NUP160: variants seen among roughly 807,000 people sequenced by gnomAD.
The protein encoded by NUP160 is nucleoporin 160.
In NUP160, 94 loss-of-function variants were observed where a neutral mutation model predicts 196.9. That is an observed-to-expected ratio of 0.48 (90% CI 0.40 to 0.57). The LOEUF is 0.57. Ranked by LOEUF, NUP160 falls within the 20% of genes least tolerant of loss-of-function variation. The pLI, the probability that NUP160 is intolerant of heterozygous loss-of-function variation, is 0.00. For missense variants in NUP160, 1,638 were observed against 1,748.3 expected (o/e 0.94, Z 1.13); for synonymous variants, 605 against 619.7 (o/e 0.98, Z 0.35).
intron 7 of NUP160, among the ~76,000 whole-genome samples, chr11:47,825,440 CA>C (rs1403258786): frequency 2.7e-5 from 4 of 147,744 alleles, no homozygotes; most frequent in Non-Finnish European, 5.9e-5. Flanking sequence ...CCACCATGCC[CA>C]GCTAATTTTT....
chr11:47,840,405 T>C, exon 3 of NUP160: 1 of 1,614,124 alleles, frequency 6.2e-7, no homozygotes, highest in Non-Finnish European at 8.5e-7. Flanking sequence ...AGGGGTGTGG[T>C]AAAAGTAACC....
intron 17 of NUP160, among the ~76,000 whole-genome samples, chr11:47,810,261 A>C (rs895486593): frequency 6.6e-6 from 1 of 152,040 alleles, no homozygotes; most frequent in African/African-American, 2.4e-5. Context: ...GCAATGGCGC[A>C]ATCACAGCTC....
chr11:47,791,112 GT>G (rs1488781876), intron 29 of NUP160, among the ~76,000 whole-genome samples: 4 of 152,122 alleles, frequency 2.6e-5, no homozygotes, highest in African/African-American at 9.6e-5. Context: ...CAAGGTTTTT[GT>G]ACCTACTGGC....
intron 7 of NUP160, among the ~76,000 whole-genome samples, chr11:47,829,536 G>A (rs965102449): frequency 2.6e-4 from 39 of 152,044 alleles, no homozygotes; most frequent in African/African-American, 8.9e-4. Context: ...CAAATACCTG[G>A]CCTCAAGTGA....
At chr11:47,845,949 A>G (rs548683524) in intron 2 of NUP160, among the ~76,000 whole-genome samples, 2 of 152,274 alleles carry the variant, frequency 1.3e-5, no homozygotes, top group South Asian at 2.1e-4. Flanking sequence ...TCTGGACAAC[A>G]AGGCAAAACC....
At chr11:47,831,893 C>CTTTT (rs1852083703) in intron 7 of NUP160, among the ~76,000 whole-genome samples, 1 of 93,288 alleles carries the variant, frequency 1.1e-5, no homozygotes, top group African/African-American at 4.4e-5. Context: ...CTAATAAATT[C>CTTTT]CTTTTTTTTT....
chr11:47,806,979 T>C, intron 19 of NUP160, 91 bp downstream of exon 19: 1 of 923,006 alleles, frequency 1.1e-6, no homozygotes, highest in Admixed American at 2.0e-5. Context: ...CTAGCCAACC[T>C]TTCTATGGCA....
intron 11 of NUP160, among the ~76,000 whole-genome samples, chr11:47,817,346 T>A (rs549767239): frequency 6.7e-6 from 1 of 150,174 alleles, no homozygotes; most frequent in Non-Finnish European, 1.5e-5. Context: ...CAAAAACTTT[T>A]TTTTTTTTTT....
intron 34 of NUP160, among the ~76,000 whole-genome samples, chr11:47,782,296 AAAAAAAAATATAT>A (rs1293401223): frequency 4.2e-4 from 21 of 49,512 alleles, no homozygotes; most frequent in Non-Finnish European, 6.0e-4. Context: ...AGTTAAAAAA[AAAAAAAAATATAT>A]ATATATATAT....
chr11:47,786,210 T>C (rs2097664428), intron 32 of NUP160, among the ~76,000 whole-genome samples: 2 of 152,142 alleles, frequency 1.3e-5, no homozygotes, highest in South Asian at 4.1e-4. Flanking sequence ...TTTCCTGATA[T>C]GAAACAGTAA....
chr11:47,828,356 A>G (rs1002807974), intron 7 of NUP160, among the ~76,000 whole-genome samples: 19 of 152,252 alleles, frequency 1.2e-4, no homozygotes, highest in African/African-American at 4.6e-4. Flanking sequence ...AATTTCGTTT[A>G]TAATAGCATC....
chr11:47,837,815 T>C (rs541298463), intron 4 of NUP160, among the ~76,000 whole-genome samples, 192 bp from the exon 5 acceptor site: 1 of 152,322 alleles, frequency 6.6e-6, no homozygotes, highest in South Asian at 2.1e-4. Context: ...TCCATAAAAA[T>C]AGCATTTTTA....
intron 27 of NUP160, chr11:47,796,115 C>A (rs1325887252): frequency 1.5e-5 from 4 of 258,172 alleles, no homozygotes; most frequent in African/African-American, 2.4e-5. Context: ...CACGGTGCCA[C>A]TGCACTCTAC....
In NUP160 at chr11:47,818,139, A is replaced by G. The variant is rs746708849; in HGVS notation, c.1363-15T>C. On this transcript the variant is annotated splice_polypyrimidine_tract_variant and intron_variant, in intron 10 of 35. Coordinates refer to ENST00000378460, the Ensembl canonical transcript of NUP160. Reference sequence around the variant, plus strand: ...AGATACATCTCCTATTAGAACATTAAAACAAAAGTTACTATTGTCCTAAAC... The same window carrying G: ...AGATACATCTCCTATTAGAACATTAGAACAAAAGTTACTATTGTCCTAAAC... 1 of 1,566,374 alleles carries G rather than the reference A, an allele frequency of 6.4e-7. No individual in the cohort carries two copies. Among genetic ancestry groups the G allele is most frequent in the Non-Finnish European group, 8.8e-7 (1 of 1,139,846 alleles).
intron 23 of NUP160, among the ~76,000 whole-genome samples, chr11:47,800,553 C>T (rs184365227): frequency 2.0e-4 from 31 of 152,032 alleles, no homozygotes; most frequent in East Asian, 1.9e-3. Flanking sequence ...CCACCACGCC[C>T]GGCTAATTTT....
At chr11:47,806,089 C>A in intron 20 of NUP160, 64 bp downstream of exon 20, 1 of 1,488,064 alleles carries the variant, frequency 6.7e-7, no homozygotes, top group Non-Finnish European at 9.4e-7. Context: ...GCTGGGATTA[C>A]AGGTGTGAGC....
At chr11:47,798,372 C>A in exon 24 of NUP160, 1 of 1,607,710 alleles carries the variant, frequency 6.2e-7, no homozygotes, top group Non-Finnish European at 8.5e-7. Context: ...TCTTACCTGA[C>A]TTTTCCAGTC....
intron 7 of NUP160, among the ~76,000 whole-genome samples, chr11:47,833,147 AG>A (rs1852107943): frequency 6.6e-6 from 1 of 152,222 alleles, no homozygotes; most frequent in South Asian, 2.1e-4. Context: ...TTACATCTCA[AG>A]AAAGCTGTTT....
intron 2 of NUP160, chr11:47,841,259 C>G: frequency 3.8e-6 from 1 of 260,120 alleles, no homozygotes; most frequent in South Asian, 7.1e-5. Context: ...AGCTGAGGAG[C>G]AAGGAGCCAC....
Sources: gnomAD v4.1 joint callset for allele counts (sites outside exome capture counted in the v4.1 genomes callset) on GRCh38, gnomAD v4.1.1 for gene constraint, MANE v1.5 for transcripts, NCBI Gene and HGNC (gene_info 2026-07-23, HGNC 2026-07-21) for gene names.